SLC3A1: variants seen among roughly 807,000 people sequenced by gnomAD.
The protein encoded by SLC3A1 is solute carrier family 3 member 1.
Under a neutral mutation model 60.3 loss-of-function variants are expected in SLC3A1, and 78 were observed. That is an observed-to-expected ratio of 1.29 (90% CI 1.08 to 1.56). The LOEUF is 1.56. SLC3A1 is among the 40% of genes most tolerant of loss of function. SLC3A1 has a pLI of 0.00. For missense variants in SLC3A1, 1,172 were observed against 858.9 expected (o/e 1.36, Z -4.56); for synonymous variants, 392 against 307.9 (o/e 1.27, Z -2.86).
intron 4 of SLC3A1, among the ~76,000 whole-genome samples, chr2:44,295,277 A>G (rs2104355265): frequency 6.6e-6 from 1 of 152,190 alleles, no homozygotes; most frequent in East Asian, 1.9e-4. Flanking sequence ...CAGTGGAAAA[A>G]CCAGGAGTGC....
At chr2:44,285,867 G>T in intron 3 of SLC3A1, 165 bp from the exon 4 acceptor site, 1 of 839,970 alleles carries the variant, frequency 1.2e-6, no homozygotes. Context: ...AGGCCAATGG[G>T]GTGGGGGGTA....
intron 4 of SLC3A1, among the ~76,000 whole-genome samples, chr2:44,294,580 T>C (rs894186592): frequency 6.6e-6 from 1 of 151,880 alleles, no homozygotes; most frequent in Non-Finnish European, 1.5e-5. Flanking sequence ...AAACCCTCCA[T>C]ACTATGTTAT....
intron 4 of SLC3A1, among the ~76,000 whole-genome samples, chr2:44,288,414 C>T (rs1386342389): frequency 6.6e-6 from 1 of 151,938 alleles, no homozygotes; most frequent in East Asian, 1.9e-4. Flanking sequence ...CTTCCCCCAC[C>T]CCCTGGGAAA....
intron 9 of SLC3A1, chr2:44,318,959 C>T (rs1360182731): frequency 1.3e-5 from 2 of 152,148 alleles, no homozygotes; most frequent in African/African-American, 4.8e-5. Flanking sequence ...CTTCAACATA[C>T]TTTTAGAAAG....
chr2:44,297,077 G>A (rs1671869413), intron 4 of SLC3A1, among the ~76,000 whole-genome samples: 1 of 152,198 alleles, frequency 6.6e-6, no homozygotes, highest in Non-Finnish European at 1.5e-5. Context: ...TAATACACAA[G>A]TGAACTGTGG....
At chr2:44,300,200 C>G (rs1305284704) in intron 5 of SLC3A1, 110 bp downstream of exon 5, 19 of 1,061,568 alleles carry the variant, frequency 1.8e-5, no homozygotes, top group Non-Finnish European at 2.7e-5. Context: ...TGTCCTGTGT[C>G]TAGCAAGTAC....
rs758462614 is a variant in SLC3A1, at chr2:44,321,381, T to A, written c.*742T>A. On this transcript the variant is annotated 3_prime_UTR_variant, in exon 10 of 10. Transcript: ENST00000260649. ...TCAGAATTTCAGGTATTTCTTAAGA[T>A]CCTCGAAAACACTGGTGCTGTCAAG... 1.2e-6 allele frequency: 2 copies of A among 1,611,478 alleles called. No homozygotes were observed. The highest frequency in any genetic ancestry group is 1.7e-6 in the Non-Finnish European group (2 of 1,177,790).
chr2:44,286,569 G>A (rs992268250), intron 4 of SLC3A1, among the ~76,000 whole-genome samples: 1 of 135,832 alleles, frequency 7.4e-6, no homozygotes, highest in Non-Finnish European at 1.6e-5. Flanking sequence ...GGTGAGCTGT[G>A]CGGTGCCTGT....
At chr2:44,315,738 C>T (rs984551130) in intron 9 of SLC3A1, among the ~76,000 whole-genome samples, 5 of 150,622 alleles carry the variant, frequency 3.3e-5, no homozygotes, top group Admixed American at 2.6e-4. Flanking sequence ...AGAGACAGCA[C>T]TGTAGGAATT....
At position 44,304,166 on chromosome 2, in the gene SLC3A1, C is replaced by A. The variant is rs377314493; in HGVS notation, c.1160C>A (p.Ala387Glu). 2.4e-5 allele frequency: 39 copies of A among 1,613,938 alleles called. No individual in the cohort carries two copies. The highest frequency in any genetic ancestry group is 1.6e-4 in the Middle Eastern group (1 of 6,084). Residue 387 changes from alanine (A) to glutamate (E), a missense_variant, in exon 7 of 10, where the codon GCA (alanine) becomes GAA (glutamate). Physicochemically the swap from Ala to Glu is moderately radical, Grantham distance 107. Coordinates refer to ENST00000260649, the MANE Select transcript of SLC3A1 (RefSeq NM_000341.4). Reference protein sequence around the residue: ...RYRFMGTEAYAESIDRTVMYY... With the variant: ...RYRFMGTEAYEESIDRTVMYY... ...AGGTTCATGGGGACTGAAGCCTATGCAGAGAGTATTGACAGGACCGTGATG... is the reference window on the plus strand; with the variant it reads ...AGGTTCATGGGGACTGAAGCCTATGAAGAGAGTATTGACAGGACCGTGATG...
At chr2:44,309,366 TCATA>T (rs1489787547) in intron 7 of SLC3A1, among the ~76,000 whole-genome samples, 1 of 152,222 alleles carries the variant, frequency 6.6e-6, no homozygotes, top group African/African-American at 2.4e-5. Flanking sequence ...CAACTTTCCT[TCATA>T]CATACAATAG....
chr2:44,291,531 T>G (rs138851756), intron 4 of SLC3A1, among the ~76,000 whole-genome samples: 41 of 152,236 alleles, frequency 2.7e-4, no homozygotes, highest in African/African-American at 9.6e-4. Context: ...CAAGACTGGT[T>G]TAGAAGATTT....
intron 9 of SLC3A1, chr2:44,314,158 G>A (rs954241170): frequency 1.6e-6 from 2 of 1,241,456 alleles, no homozygotes; most frequent in Non-Finnish European, 2.2e-6. Context: ...CAAGTGAAGT[G>A]AAGTATCATA....
chr2:44,314,031 T>A (rs148887729), intron 9 of SLC3A1, 80 bp downstream of exon 9: 2 of 1,600,812 alleles, frequency 1.2e-6, no homozygotes, highest in South Asian at 1.1e-5. Context: ...TCACCCTGAA[T>A]GTGTCTAAAC....
chr2:44,306,622 C>T (rs1338493987), intron 7 of SLC3A1, among the ~76,000 whole-genome samples: 2 of 148,068 alleles, frequency 1.4e-5, no homozygotes, highest in Non-Finnish European at 3.0e-5. Context: ...GGTGTGATCC[C>T]GGCTCACTTC....
At position 44,321,423 on chromosome 2, in the gene SLC3A1, A is replaced by G. The variant is rs537620020; in HGVS notation, c.*784A>G. On this transcript the variant is annotated 3_prime_UTR_variant, in exon 10 of 10. Transcript: ENST00000260649. ...GCTGTCAAGTCCAAGTTCCTCGTAC[A>G]GGAATTTAATTTGGGCTGTAATCTA... is the stretch of plus-strand genomic sequence containing the variant. 6.9e-5 allele frequency: 112 copies of G among 1,613,062 alleles called. 1 individual carries two copies. The South Asian group carries it at 1.2e-3, about 17-fold the overall frequency.
chr2:44,286,715 T>C (rs546463274), intron 4 of SLC3A1, among the ~76,000 whole-genome samples: 32 of 148,354 alleles, frequency 2.2e-4, no homozygotes, highest in South Asian at 4.4e-4. Flanking sequence ...CTGTGCGGTG[T>C]CTGTGACTGA....
At chr2:44,292,820 G>A (rs1311064011) in intron 4 of SLC3A1, among the ~76,000 whole-genome samples, 1 of 152,176 alleles carries the variant, frequency 6.6e-6, no homozygotes, top group East Asian at 1.9e-4. Flanking sequence ...TGGGGGTGAG[G>A]TCAGGAGCAC....
chr2:44,318,802 C>T (rs1007740338), intron 9 of SLC3A1: 2 of 151,874 alleles, frequency 1.3e-5, no homozygotes, highest in African/African-American at 2.4e-5. Flanking sequence ...AAATATAGTT[C>T]AATATGAAAA....
Sources: allele counts gnomAD v4.1 joint callset (sites outside exome capture counted in the v4.1 genomes callset), GRCh38; gene constraint gnomAD v4.1.1; transcripts MANE v1.5; gene names NCBI Gene and HGNC (gene_info 2026-07-23, HGNC 2026-07-21).